The following TMTC2 variants were observed in gnomAD, a reference collection of about 807,000 sequenced individuals.
The protein encoded by TMTC2 is protein O-mannosyl-transferase TMTC2.
Under a neutral mutation model 82.4 loss-of-function variants are expected in TMTC2, and 43 were observed. That is an observed-to-expected ratio of 0.52 (90% confidence interval 0.41 to 0.67). TMTC2 has a LOEUF of 0.67. Among genes scored for constraint, TMTC2 ranks in the 30% least tolerant of loss-of-function variants. The probability of loss-of-function intolerance (pLI) is 0.00; values close to 1 mark genes in which losing one functional copy is unlikely to be tolerated. For synonymous variants in TMTC2, 408 were observed against 381.9 expected (o/e 1.07, Z -0.80); for missense variants, 919 against 1,012.4 (o/e 0.91, Z 1.25).
intron 2 of TMTC2, among the ~76,000 whole-genome samples, chr12:82,876,054 G>GTGGTGA (rs1872504063): frequency 4.4e-5 from 6 of 135,998 alleles, no homozygotes; most frequent in Non-Finnish European, 9.5e-5. Flanking sequence ...GGTGGTGGTG[G>GTGGTGA]TGGTGGTGGT....
chr12:82,973,917 C>T (rs189068767), intron 7 of TMTC2, among the ~76,000 whole-genome samples: 20 of 152,292 alleles, frequency 1.3e-4, no homozygotes, highest in Admixed American at 1.1e-3. Flanking sequence ...TACATTAATT[C>T]ATCCTCCTGC....
At chr12:82,884,670 A>G (rs1036215825) in intron 2 of TMTC2, among the ~76,000 whole-genome samples, 1 of 152,228 alleles carries the variant, frequency 6.6e-6, no homozygotes. Flanking sequence ...AAAATAAGGC[A>G]AAGTTCCCAT....
intron 8 of TMTC2, among the ~76,000 whole-genome samples, chr12:83,028,404 C>T (rs1397477760): frequency 1.3e-5 from 2 of 152,158 alleles, no homozygotes; most frequent in African/African-American, 4.8e-5. Flanking sequence ...TAAACCTCCT[C>T]ACCTTCCCAC....
chr12:82,880,597 CT>C (rs1009691091), intron 2 of TMTC2, among the ~76,000 whole-genome samples: 35 of 152,322 alleles, frequency 2.3e-4, no homozygotes, highest in African/African-American at 7.9e-4. Context: ...TCCGAATTTA[CT>C]GAGTGCCAGA....
intron 1 of TMTC2, among the ~76,000 whole-genome samples, chr12:82,735,984 C>T (rs939967142): frequency 8.2e-6 from 1 of 122,428 alleles, no homozygotes; most frequent in African/African-American, 2.5e-5. Context: ...CACACACACA[C>T]ACACACACAC....
chr12:82,937,915 T>TTTTTTA lies in TMTC2; in HGVS notation c.1598+7375_1598+7376insATTTTT, dbSNP rs1345156597. 6.1e-5 allele frequency among the ~76,000 whole-genome samples: 2 copies of TTTTTTA among 33,042 alleles called. 1 individual carries two copies. The allele number at this position is 33,042 out of a possible 152,430, so 21.7% of individuals were successfully genotyped here. A position where few individuals can be genotyped will look rare whatever the true frequency, so the allele number is the denominator to read the frequency against. ...GACACCATAGATTCAAACCTTTTTT[T>TTTTTTA]TTTTTTATTTTTTTTTTTTGAGACA... On this transcript the variant is annotated intron_variant, in intron 4 of 11. Transcript: ENST00000321196.
intron 11 of TMTC2, among the ~76,000 whole-genome samples, chr12:83,070,267 T>G (rs1003106523): frequency 2.6e-5 from 4 of 152,180 alleles, no homozygotes; most frequent in African/African-American, 9.7e-5. Flanking sequence ...ATTTTTTGAT[T>G]GCTTTTGGCA....
intron 8 of TMTC2, among the ~76,000 whole-genome samples, chr12:83,016,734 G>A (rs1332854411): frequency 6.6e-6 from 1 of 152,178 alleles, no homozygotes; most frequent in Non-Finnish European, 1.5e-5. Context: ...TGTCTACAAT[G>A]TAATAGCATG....
intron 2 of TMTC2, among the ~76,000 whole-genome samples, chr12:82,866,244 C>CAAAAA (rs762068833): frequency 1.9e-5 from 1 of 52,330 alleles, no homozygotes; most frequent in Non-Finnish European, 4.4e-5. Context: ...TTGAAAAGAT[C>CAAAAA]AAAAAAAAAA....
At chr12:82,849,095 AAT>A (rs1273558630) in intron 1 of TMTC2, among the ~76,000 whole-genome samples, 5 of 152,088 alleles carry the variant, frequency 3.3e-5, no homozygotes, top group African/African-American at 1.2e-4. Context: ...TATGGTAAGA[AAT>A]AGGGCAGAAT....
intron 9 of TMTC2, among the ~76,000 whole-genome samples, chr12:83,045,727 G>GGGCACACACACACACACA (rs1437284307): frequency 1.4e-5 from 2 of 142,538 alleles, no homozygotes; most frequent in Middle Eastern, 3.6e-3. Context: ...ACACACACAC[G>GGGCACACACACACACACA]CACACACACA....
chr12:82,983,657 A>C (rs1170107009), intron 7 of TMTC2, among the ~76,000 whole-genome samples: 1 of 152,072 alleles, frequency 6.6e-6, no homozygotes, highest in African/African-American at 2.4e-5. Context: ...GAAAAGTAGA[A>C]GCTATATTAA....
At chr12:82,883,627 G>A (rs1425916306) in intron 2 of TMTC2, among the ~76,000 whole-genome samples, 1 of 152,134 alleles carries the variant, frequency 6.6e-6, no homozygotes, top group Non-Finnish European at 1.5e-5. Flanking sequence ...CTGGTTTGTC[G>A]CACTAAAGCC....
chr12:82,895,189 T>C (rs770465489), intron 2 of TMTC2, among the ~76,000 whole-genome samples: 1 of 151,976 alleles, frequency 6.6e-6, no homozygotes, highest in Non-Finnish European at 1.5e-5. Context: ...TTTTTGAGTG[T>C]TGGATGCCAC....
At chr12:82,882,234 C>T (rs1008733047) in intron 2 of TMTC2, among the ~76,000 whole-genome samples, 1 of 151,618 alleles carries the variant, frequency 6.6e-6, no homozygotes, top group African/African-American at 2.4e-5. Context: ...CTCCTGACCT[C>T]GTGATCCGCC....
intron 8 of TMTC2, among the ~76,000 whole-genome samples, chr12:82,996,508 A>C (rs1313889794): frequency 1.3e-5 from 2 of 152,220 alleles, no homozygotes; most frequent in African/African-American, 4.8e-5. Context: ...TCTTTGTCAA[A>C]AGTGACAGGA....
intron 1 of TMTC2, among the ~76,000 whole-genome samples, chr12:82,810,688 C>G (rs1879455068): frequency 1.3e-5 from 2 of 152,008 alleles, no homozygotes; most frequent in South Asian, 4.1e-4. Context: ...GAATTGTAAT[C>G]CCCATAATCC....
At chr12:83,024,350 T>C (rs1487719883) in intron 8 of TMTC2, among the ~76,000 whole-genome samples, 1 of 152,238 alleles carries the variant, frequency 6.6e-6, no homozygotes, top group East Asian at 1.9e-4. Context: ...CTATAATGCA[T>C]GGTTAAACAA....
intron 1 of TMTC2, among the ~76,000 whole-genome samples, chr12:82,840,747 A>G (rs183838201): frequency 3.9e-5 from 6 of 152,304 alleles, no homozygotes; most frequent in African/African-American, 7.2e-5. Context: ...AAACTATACC[A>G]TCACTTGAGA....
Sources: allele counts gnomAD v4.1 joint callset (sites outside exome capture counted in the v4.1 genomes callset), GRCh38; gene constraint gnomAD v4.1.1; transcripts MANE v1.5; gene names NCBI Gene and HGNC (gene_info 2026-07-23, HGNC 2026-07-21).